Variants in HERC2 observed in about 807,000 individuals in gnomAD.
The protein encoded by HERC2 is HECT and RLD domain containing E3 ubiquitin protein ligase 2.
A neutral mutation model predicts 537.7 loss-of-function variants in HERC2; 102 were observed. The observed-to-expected ratio is 0.19, with a 90% CI of 0.16 to 0.22. HERC2 has a LOEUF of 0.22. HERC2 is among the 10% of genes least tolerant of loss of function. The pLI is 1.00. For missense variants in HERC2, 4,236 were observed against 6,198.2 expected, an observed-to-expected ratio of 0.68 and a Z score of 10.63; for synonymous variants, 2,224 against 2,466.2, an observed-to-expected ratio of 0.90 and a Z score of 2.91.
At chr15:28,297,525 A>G (rs182311491) in intron 3 of HERC2, among the ~76,000 whole-genome samples, 4 of 152,222 alleles carry the variant, frequency 2.6e-5, no homozygotes, top group African/African-American at 9.6e-5. Flanking sequence ...GAGAAGTGCT[A>G]TATTAAATAT....
At chr15:28,242,743 C>T (rs80182548) in intron 23 of HERC2, among the ~76,000 whole-genome samples, 2,859 of 152,054 alleles carry the variant, frequency 0.019, 87 homozygotes, top group African/African-American at 0.065. Context: ...ATTCCAGAAA[C>T]GGAAGGTTGA....
In HERC2 at chr15:28,256,104, G is replaced by C; in HGVS notation, c.2731C>G (p.Leu911Val). ...AEERARALSA[L>V]LPCAVSGNEV... ...CCAGGCCCACCTGCGCAGGGCAGGA[G>C]AGCAGAGAGTGCCCGGGCCCGCTCC... The change falls in exon 18 of 93, where the codon CTC (leucine) becomes GTC (valine). Residue 911 changes from leucine to valine, a missense_variant. By Grantham distance (32) the Leu-to-Val change is conservative. This residue lies in a region of HERC2 where 754 missense variants were observed against 1,085.0 expected (regional missense o/e 0.69). Transcript: ENST00000261609. The C allele has an allele frequency of 6.2e-7, 1 of 1,603,420 alleles. No homozygotes were observed. Among genetic ancestry groups the C allele is most frequent in the South Asian group, 1.1e-5 (1 of 90,948 alleles).
At chr15:28,227,099 AC>A (rs1487500941) in intron 35 of HERC2, among the ~76,000 whole-genome samples, 2 of 152,150 alleles carry the variant, frequency 1.3e-5, no homozygotes. Context: ...ACATGGCTAA[AC>A]CCCATCTCTA....
chr15:28,254,258 G>A, intron 20 of HERC2, 82 bp downstream of exon 20: 1 of 990,568 alleles, frequency 1.0e-6, no homozygotes, highest in Non-Finnish European at 1.5e-6. Context: ...ACTCCGGCCT[G>A]GGCAACAAGA....
At chr15:28,162,567 A>G (rs1003901670) in intron 69 of HERC2, among the ~76,000 whole-genome samples, 2 of 152,186 alleles carry the variant, frequency 1.3e-5, no homozygotes, top group Non-Finnish European at 2.9e-5. Context: ...TTGACAAATC[A>G]TTTTAAAAAG....
intron 2 of HERC2, among the ~76,000 whole-genome samples, chr15:28,304,051 A>T (rs2076708738): frequency 6.6e-6 from 1 of 151,224 alleles, no homozygotes; most frequent in East Asian, 1.9e-4. Context: ...CTGTAATGCC[A>T]GCTACTCAGG....
At position 28,163,101 on chromosome 15, in the gene HERC2, T is replaced by C; in HGVS notation, c.10739A>G (p.Tyr3580Cys). 6.2e-7 allele frequency: 1 copy of C among 1,609,042 alleles called. No homozygotes were observed. Among genetic ancestry groups the C allele is most frequent in the Non-Finnish European group, 8.5e-7 (1 of 1,179,348 alleles). Residue 3580 changes from tyrosine (Y) to cysteine (C), a missense_variant, in exon 69 of 93, where the codon TAC (tyrosine) becomes TGC (cysteine). Tyr to Cys is a radical substitution (Grantham distance 194). This residue lies in a region of HERC2 where 356 missense variants were observed against 450.9 expected (regional missense o/e 0.79). Coordinates refer to ENST00000261609, the MANE Select transcript of HERC2 (RefSeq NM_004667.6). ...SAVLSGMGTAYPQVADMLLEL... is the reference protein window; with the variant it reads ...SAVLSGMGTACPQVADMLLEL... The stretch of plus-strand genomic sequence containing the variant: ...GCCCTCCCTGAGACTCACCTGTGGG[T>C]AGGCGGTCCCCATGCCGGAAAGCAC...
chr15:28,281,065 C>G (rs954670769), intron 4 of HERC2, among the ~76,000 whole-genome samples: 2 of 152,122 alleles, frequency 1.3e-5, no homozygotes, highest in Non-Finnish European at 1.5e-5. Flanking sequence ...AATTACCCAG[C>G]ATGCATGACT....
chr15:28,135,407 G>T, intron 79 of HERC2, 71 bp downstream of exon 79: 1 of 1,206,126 alleles, frequency 8.3e-7, no homozygotes, highest in Non-Finnish European at 1.2e-6. Context: ...AGCGCCAATA[G>T]ATTGTAGCAG....
chr15:28,275,475 C>T (rs1004544823), intron 5 of HERC2, among the ~76,000 whole-genome samples: 7 of 152,214 alleles, frequency 4.6e-5, no homozygotes, highest in Non-Finnish European at 1.0e-4. Context: ...CGTGCTTGAC[C>T]CACCCTATGG....
At chr15:28,232,440 T>C (rs1350246016) in intron 30 of HERC2, among the ~76,000 whole-genome samples, 3 of 151,920 alleles carry the variant, frequency 2.0e-5, no homozygotes, top group East Asian at 3.9e-4. Flanking sequence ...TCCCAGCTAC[T>C]TGGAAGGCTG....
rs549380960 is a variant in HERC2, at chr15:28,168,262, C to T, written c.10413+145G>A. The T allele has an allele frequency of 6.0e-4, 424 of 711,080 alleles. 4 individuals carry two copies. The South Asian group carries it at 8.0e-3, about 13-fold the overall frequency. The allele number at this position is 711,080 out of a possible 1,614,324, so 44.0% of individuals were successfully genotyped here. On this transcript the variant is annotated intron_variant, in intron 67 of 92. Coordinates refer to ENST00000261609, the MANE Select transcript of HERC2 (RefSeq NM_004667.6). ...CTTAAGCACTTTAAAAGCTCCTTTA[C>T]AGAGAATATTCTTCTAAGTAAAGCC...
At chr15:28,227,926 G>A (rs1293899525) in intron 35 of HERC2, among the ~76,000 whole-genome samples, 1 of 152,136 alleles carries the variant, frequency 6.6e-6, no homozygotes, top group Non-Finnish European at 1.5e-5. Context: ...GACAGGGAAA[G>A]CAGATTTGTG....
chr15:28,115,516 T>G lies in HERC2; in HGVS notation c.13635A>C (p.Arg4545=), dbSNP rs1269522210. 2 of 1,613,814 alleles carry G rather than the reference T, an allele frequency of 1.2e-6. No homozygotes were observed. Among genetic ancestry groups the G allele is most frequent in the South Asian group, 2.2e-5 (2 of 91,064 alleles). ...FLGVLLGIAI[R]TGSPLSLNLA... ...GGTTGAGGCTCAGGGGACTCCCGGT[T>G]CGGATGGCAATGCCCAGCAACACAC... The change falls in exon 89 of 93, where the codon CGA becomes CGC. Residue 4545 remains arginine (R), a synonymous_variant. Coordinates refer to ENST00000261609, the MANE Select transcript of HERC2 (RefSeq NM_004667.6).
chr15:28,222,970 T>C (rs1215612181), intron 35 of HERC2, among the ~76,000 whole-genome samples: 2 of 152,150 alleles, frequency 1.3e-5, no homozygotes, highest in African/African-American at 4.8e-5. Context: ...CTCTGGACTT[T>C]ACCCATGTCC....
Position 28,114,617 on chromosome 15 carries a change from G to A in HERC2, c.13908C>T (p.Asn4636=). ...AGAGACGGATGACCACCAACCTATA[G>A]TTTATCGCCAGCCGCACGTACTCCG... The part of the protein sequence containing the change: ...NRAEYVRLAI[N]YRLHEFDEQV... The change falls in exon 90 of 93, where the codon AAC becomes AAT. Residue 4636 remains asparagine (N), a synonymous_variant. Transcript: ENST00000261609. The A allele has an allele frequency of 6.2e-7, 1 of 1,613,196 alleles. No individual in the cohort carries two copies. The highest frequency in any genetic ancestry group is 2.2e-5 in the East Asian group (1 of 44,844).
At position 28,228,369 on chromosome 15, in the gene HERC2, G is replaced by T. The variant is rs1337843085; in HGVS notation, c.5313C>A (p.Asn1771Lys). 6.2e-7 allele frequency: 1 copy of T among 1,612,092 alleles called. No homozygotes were observed. The highest frequency in any genetic ancestry group is 2.2e-5 in the East Asian group (1 of 44,880). The change falls in exon 35 of 93, where the codon AAC becomes AAA. Residue 1771 changes from asparagine (N) to lysine (K), a missense_variant. Asn to Lys is a moderately conservative substitution (Grantham distance 94). This residue lies in a region of HERC2 where 343 missense variants were observed against 417.2 expected (regional missense o/e 0.82). Transcript: ENST00000261609. The stretch of plus-strand genomic sequence containing the variant: ...TGGTCCCCAGGCTCGGTCCTGACGG[G>T]TTCTCATTGGTGATGGTTTGCAGGG... Reference protein sequence around the residue: ...PVPLQTITNENPSGPSLGTIP... With the variant: ...PVPLQTITNEKPSGPSLGTIP...
chr15:28,183,867 A>AT (rs1896050670), intron 56 of HERC2, among the ~76,000 whole-genome samples: 1 of 152,198 alleles, frequency 6.6e-6, no homozygotes, highest in African/African-American at 2.4e-5. Context: ...AAATATTGAA[A>AT]TATCTTGTGA....
chr15:28,246,594 T>G, intron 22 of HERC2, 148 bp downstream of exon 22: 1 of 578,788 alleles, frequency 1.7e-6, no homozygotes, highest in Non-Finnish European at 2.9e-6. Context: ...GAACTGTCAG[T>G]AACTAAAAAA....
Sources: gnomAD v4.1 joint callset for allele counts (sites outside exome capture counted in the v4.1 genomes callset) on GRCh38, gnomAD v4.1.1 for gene constraint, gnomAD v4.1.1 regional missense constraint, MANE v1.5 for transcripts, NCBI Gene and HGNC (gene_info 2026-07-23, HGNC 2026-07-21) for gene names.